BMP3: variants seen among roughly 807,000 people sequenced by gnomAD.
The protein encoded by BMP3 is bone morphogenetic protein 3.
BMP3 carries 23 observed loss-of-function variants against 38.1 expected under a neutral mutation model. That is an observed-to-expected ratio of 0.60 (90% CI 0.43 to 0.86). The LOEUF (loss-of-function observed/expected upper bound fraction) is 0.86, where lower values mean the gene tolerates loss of function less well. BMP3 is among the 40% of genes least tolerant of loss of function. The pLI is 0.00. For synonymous variants in BMP3, 258 were observed against 225.7 expected, an observed-to-expected ratio of 1.14 and a Z score of -1.28; for missense variants, 628 against 579.6, an observed-to-expected ratio of 1.08 and a Z score of -0.86.
chr4:81,053,299 G>A (rs766835285), intron 2 of BMP3, 46 bp from the exon 3 acceptor site: 12 of 1,388,474 alleles, frequency 8.6e-6, no homozygotes, highest in South Asian at 4.9e-5. Context: ...GAGTGGAAAC[G>A]CAGTTCCACC....
Position 81,056,903 on chromosome 4 carries a change from G to A in BMP3, c.*3367G>A, listed in dbSNP as rs1740587053. On this transcript the variant is annotated 3_prime_UTR_variant, in exon 3 of 3. Coordinates refer to ENST00000282701, the MANE Select transcript of BMP3 (RefSeq NM_001201.5). ...TCATTCAGTTTAGTTTTTCAGTTTA[G>A]TCTTTCTGCTTTCACTTTTCTCTGT... 6.6e-6 allele frequency: 1 copy of A among 152,502 alleles called. No homozygotes were observed. Among genetic ancestry groups the A allele is most frequent in the Admixed American group, 6.6e-5 (1 of 15,254 alleles). 9.4% of individuals were successfully genotyped at this position (152,502 alleles called of 1,614,324 possible).
chr4:81,037,913 C>G (rs1739964055), intron 1 of BMP3, among the ~76,000 whole-genome samples: 1 of 152,068 alleles, frequency 6.6e-6, no homozygotes, highest in African/African-American at 2.4e-5. Context: ...TAGAAATTCT[C>G]TAGCCCATAC....
chr4:81,047,987 A>G (rs1399734036), intron 2 of BMP3, among the ~76,000 whole-genome samples: 2 of 151,002 alleles, frequency 1.3e-5, no homozygotes, highest in African/African-American at 2.4e-5. Context: ...CTGACAGCAC[A>G]AGGCTGGGTT....
intron 1 of BMP3, among the ~76,000 whole-genome samples, chr4:81,034,709 G>A (rs1442029384): frequency 2.0e-5 from 3 of 151,954 alleles, no homozygotes; most frequent in South Asian, 2.1e-4. Context: ...AATAACTGAG[G>A]CAATCCAGCC....
chr4:81,043,582 A>C (rs1156963711), intron 1 of BMP3, among the ~76,000 whole-genome samples: 1 of 120,064 alleles, frequency 8.3e-6, no homozygotes, highest in Admixed American at 1.1e-4. Context: ...CTTATCAAGC[A>C]TACTACAATT....
intron 1 of BMP3, among the ~76,000 whole-genome samples, chr4:81,035,463 C>T (rs1739897662): frequency 6.6e-6 from 1 of 151,844 alleles, no homozygotes; most frequent in African/African-American, 2.4e-5. Context: ...AGTGGAAGCT[C>T]GTAAGCATTT....
In BMP3 at chr4:81,046,401, A is replaced by G. The variant is rs578226153; in HGVS notation, c.980A>G (p.Gln327Arg). The G allele has an allele frequency of 1.2e-6, 2 of 1,613,980 alleles. No homozygotes were observed. The highest frequency in any genetic ancestry group is 4.5e-5 in the East Asian group (2 of 44,862). Residue 327 changes from glutamine to arginine, a missense_variant, in exon 2 of 3, where the codon CAG becomes CGG. Gln to Arg is a conservative substitution (Grantham distance 43). Transcript: ENST00000282701. Reference sequence around the variant, plus strand: ...AAGCCTTACAAGACCCTTCAGGCTCAGGCCCCTGAAAAGAGTAAGAATAAA... The same window carrying G: ...AAGCCTTACAAGACCCTTCAGGCTCGGGCCCCTGAAAAGAGTAAGAATAAA... Reference protein sequence around the residue: ...ERKPYKTLQAQAPEKSKNKKK... With the variant: ...ERKPYKTLQARAPEKSKNKKK...
intron 1 of BMP3, among the ~76,000 whole-genome samples, chr4:81,040,624 T>C (rs1174719467): frequency 1.3e-5 from 2 of 152,180 alleles, no homozygotes; most frequent in African/African-American, 2.4e-5. Context: ...GGCAATGTTT[T>C]CTTATTTATT....
rs1373912049 is a variant in BMP3, at chr4:81,055,635, GT to G, written c.*2106del. The G allele has an allele frequency of 1.3e-5, 2 of 152,138 alleles. No individual in the cohort carries two copies. Among genetic ancestry groups the G allele is most frequent in the Non-Finnish European group, 2.9e-5 (2 of 67,996 alleles). The allele number at this position is 152,138 out of a possible 1,614,324, so 9.4% of individuals were successfully genotyped here. On this transcript the variant is annotated 3_prime_UTR_variant, in exon 3 of 3. Coordinates refer to ENST00000282701, the MANE Select transcript of BMP3 (RefSeq NM_001201.5). ...AGATTTGGTGAAATTCTAAATTTAG[GT>G]TTTTTTCTAGAGCTGTATCAACCAA...
intron 1 of BMP3, among the ~76,000 whole-genome samples, chr4:81,032,193 G>T (rs73831268): frequency 0.074 from 312 of 4,190 alleles, 7 homozygotes; most frequent in African/African-American, 0.13. Context: ...TTCCTTAGTG[G>T]CAAAAAAAAA....
chr4:81,049,339 T>C (rs1740344914), intron 2 of BMP3, among the ~76,000 whole-genome samples: 2 of 152,178 alleles, frequency 1.3e-5, no homozygotes, highest in Admixed American at 1.3e-4. Context: ...AATAGGTTTC[T>C]CCCTTTGCAT....
chr4:81,049,657 C>T (rs554055815), intron 2 of BMP3, among the ~76,000 whole-genome samples: 1 of 152,260 alleles, frequency 6.6e-6, no homozygotes, highest in East Asian at 1.9e-4. Context: ...TTGTGTCTTT[C>T]AAGTGGTACG....
At position 81,030,795 on chromosome 4, in the gene BMP3, G is replaced by A. The variant is rs1739722573; in HGVS notation, c.-490G>A. On this transcript the variant is annotated 5_prime_UTR_variant, in exon 1 of 3. Coordinates refer to ENST00000282701, the MANE Select transcript of BMP3 (RefSeq NM_001201.5). ...CACGTACACTAAAAAACTCGGACCA[G>A]CCGCGCCGCAGCTGCTCCAATCCCT... is the stretch of plus-strand genomic sequence containing the variant. 6.6e-6 allele frequency among the ~76,000 whole-genome samples: 1 copy of A among 151,918 alleles called. No homozygotes were observed. The highest frequency in any genetic ancestry group is 2.0e-4 in the East Asian group (1 of 5,124).
At chr4:81,035,134 G>C (rs767279990) in intron 1 of BMP3, among the ~76,000 whole-genome samples, 10 of 150,890 alleles carry the variant, frequency 6.6e-5, no homozygotes, top group South Asian at 2.1e-4. Context: ...CTGAATACAT[G>C]ATAGCCTTTA....
In BMP3 at chr4:81,030,915, C is replaced by A; in HGVS notation, c.-370C>A. 4.7e-6 allele frequency: 1 copy of A among 213,932 alleles called. No individual in the cohort carries two copies. 13.3% of individuals were successfully genotyped at this position (213,932 alleles called of 1,614,324 possible). Reference sequence around the variant, plus strand: ...AGCTAGTCCTAGTCCCTCGCGCGGCCAGTTTGGCCGGGTGTTCCCAAAAAT... The same window carrying A: ...AGCTAGTCCTAGTCCCTCGCGCGGCAAGTTTGGCCGGGTGTTCCCAAAAAT... On this transcript the variant is annotated 5_prime_UTR_variant, in exon 1 of 3. Coordinates refer to ENST00000282701, the MANE Select transcript of BMP3 (RefSeq NM_001201.5).
chr4:81,055,543 A>AGG lies in BMP3; in HGVS notation c.*2011_*2012dup, dbSNP rs1330917767. 6.6e-6 allele frequency: 1 copy of AGG among 152,202 alleles called. No homozygotes were observed. Among genetic ancestry groups the AGG allele is most frequent in the Non-Finnish European group, 1.5e-5 (1 of 68,022 alleles). The allele number at this position is 152,202 out of a possible 1,614,324, so 9.4% of individuals were successfully genotyped here. On this transcript the variant is annotated 3_prime_UTR_variant, in exon 3 of 3. Coordinates refer to ENST00000282701, the MANE Select transcript of BMP3 (RefSeq NM_001201.5). Reference sequence around the variant, plus strand: ...TTTGAAAATAAAAGTATATGATAGAAGGGGGCCAGAGTGTGGCCACCATCC... The same window carrying AGG: ...TTTGAAAATAAAAGTATATGATAGAAGGGGGGGCCAGAGTGTGGCCACCATCC...
rs1740606282 is a variant in BMP3, at chr4:81,057,527, A to G, written c.*3991A>G. 6.6e-6 allele frequency: 1 copy of G among 152,058 alleles called. No homozygotes were observed. The highest frequency in any genetic ancestry group is 6.6e-5 in the Admixed American group (1 of 15,252). The allele number at this position is 152,058 out of a possible 1,614,324, so 9.4% of individuals were successfully genotyped here. On this transcript the variant is annotated 3_prime_UTR_variant, in exon 3 of 3. Transcript: ENST00000282701. ...ACAGTATGGAAATAAAAATTGCTTC[A>G]TTGACCATTCATTTTTACTTATTGG... is the stretch of plus-strand genomic sequence containing the variant.
In BMP3 at chr4:81,031,265, C is replaced by T. The variant is rs765453598; in HGVS notation, c.-20C>T. On this transcript the variant is annotated 5_prime_UTR_variant, in exon 1 of 3. Coordinates refer to ENST00000282701, the MANE Select transcript of BMP3 (RefSeq NM_001201.5). ...CCCGCAGCGACGCCGGGAGCCGACGCGCCGCGCGGGTACCTAGCCATGGCT... is the reference window on the plus strand; with the variant it reads ...CCCGCAGCGACGCCGGGAGCCGACGTGCCGCGCGGGTACCTAGCCATGGCT... 5.7e-6 allele frequency: 9 copies of T among 1,565,838 alleles called. No homozygotes were observed. The highest frequency in any genetic ancestry group is 1.4e-5 in the African/African-American group (1 of 73,818).
chr4:81,038,288 G>A (rs532145600), intron 1 of BMP3, among the ~76,000 whole-genome samples: 3 of 152,270 alleles, frequency 2.0e-5, no homozygotes, highest in African/African-American at 7.2e-5. Context: ...GCTGCAGAGA[G>A]TTTATGATAT....
Sources: allele counts gnomAD v4.1 joint callset (sites outside exome capture counted in the v4.1 genomes callset), GRCh38; gene constraint gnomAD v4.1.1; transcripts MANE v1.5; gene names NCBI Gene and HGNC (gene_info 2026-07-23, HGNC 2026-07-21).